Variants in LEKR1 observed in about 807,000 individuals in gnomAD.
LEKR1 encodes protein LEKR1.
Under a neutral mutation model 72.4 loss-of-function variants are expected in LEKR1, and 59 were observed. The ratio of observed to expected loss-of-function variants is 0.82; its 90% CI spans 0.66 to 1.01. LEKR1 has a LOEUF of 1.01. LEKR1 is among the 50% of genes least tolerant of loss of function. LEKR1 has a pLI of 0.00. For missense variants in LEKR1, 728 were observed against 759.2 expected (o/e 0.96, Z 0.48); for synonymous variants, 257 against 263.2 (o/e 0.98, Z 0.23).
intron 6 of LEKR1, among the ~76,000 whole-genome samples, chr3:156,973,576 C>T (rs532734775): frequency 3.3e-5 from 5 of 152,100 alleles, no homozygotes; most frequent in South Asian, 2.1e-4. Flanking sequence ...TCACATGCTG[C>T]GTAATATTTG....
At position 157,045,822 on chromosome 3, in the gene LEKR1, C is replaced by A. The variant is rs1468690300; in HGVS notation, c.*72C>A. On this transcript the variant is annotated 3_prime_UTR_variant, in exon 13 of 13. Coordinates refer to ENST00000356539, the MANE Select transcript of LEKR1 (RefSeq NM_001004316.3). Reference sequence around the variant, plus strand: ...AGAGAGTGCCAGGAATTCACTGTAACTGAGAATGACAATGATAAAATTATT... The same window carrying A: ...AGAGAGTGCCAGGAATTCACTGTAAATGAGAATGACAATGATAAAATTATT... 2 of 1,264,438 alleles carry A rather than the reference C, an allele frequency of 1.6e-6. No homozygotes were observed. Among genetic ancestry groups the A allele is most frequent in the Non-Finnish European group, 1.1e-6 (1 of 903,478 alleles). The allele number at this position is 1,264,438 out of a possible 1,614,324, so 78.3% of individuals were successfully genotyped here.
rs140123752 is a variant in LEKR1, at chr3:156,942,992, CT to C, written c.745+281del. ...TTTCAGAAAAATAAGGCGAAATTTA[CT>C]TTGGTATATCTGTGCTCTTCTATGT... On this transcript the variant is annotated intron_variant, in intron 6 of 12. Coordinates refer to ENST00000356539, the MANE Select transcript of LEKR1 (RefSeq NM_001004316.3). 4.2e-3 allele frequency among the ~76,000 whole-genome samples: 635 copies of C among 151,976 alleles called. 2 individuals carry two copies. The highest frequency in any genetic ancestry group is 0.012 in the East Asian group (62 of 5,156).
intron 9 of LEKR1, among the ~76,000 whole-genome samples, chr3:157,006,180 T>C (rs1732416908): frequency 6.6e-6 from 1 of 151,040 alleles, no homozygotes; most frequent in South Asian, 2.1e-4. Flanking sequence ...TAATTTTTTG[T>C]ATTTTTAGTA....
At chr3:156,974,762 A>G (rs901843662) in intron 6 of LEKR1, among the ~76,000 whole-genome samples, 3 of 151,960 alleles carry the variant, frequency 2.0e-5, no homozygotes, top group African/African-American at 7.3e-5. Context: ...ATAGAATAAT[A>G]CAACATGTAT....
In LEKR1 at chr3:157,024,855, T is replaced by C; in HGVS notation, c.1299T>C (p.Asp433=). The change falls in exon 11 of 13, where the codon GAT becomes GAC. Residue 433 remains aspartate, a synonymous_variant. Transcript: ENST00000356539. ...AGGAAGAAACAAAATTGCAACTTGA[T>C]ATTGAAAAAGAAAAACACCAAGATG... ...LFKEETKLQL[D]IEKEKHQDVI... 1.2e-6 allele frequency: 2 copies of C among 1,610,112 alleles called. No individual in the cohort carries two copies.
chr3:156,968,352 C>A (rs547934158), intron 6 of LEKR1, among the ~76,000 whole-genome samples: 68 of 152,206 alleles, frequency 4.5e-4, no homozygotes, highest in African/African-American at 1.5e-3. Context: ...AGAGTCAAGA[C>A]CCATCAGTGT....
intron 10 of LEKR1, among the ~76,000 whole-genome samples, chr3:157,017,906 G>A (rs1014847738): frequency 7.2e-6 from 1 of 139,810 alleles, no homozygotes; most frequent in South Asian, 2.2e-4. Context: ...CCAAGATCAG[G>A]CCACTGCACT....
chr3:156,899,295 TAC>T (rs1225937424), intron 3 of LEKR1, among the ~76,000 whole-genome samples: 1 of 146,512 alleles, frequency 6.8e-6, no homozygotes, highest in Non-Finnish European at 1.5e-5. Flanking sequence ...CATGTATATA[TAC>T]ATATATACAT....
At position 156,931,399 on chromosome 3, in the gene LEKR1, T is replaced by C. The variant is rs1725210761; in HGVS notation, c.559+3795T>C. ...GAATCCTTTTACAAATTGGTGAGAA[T>C]GTAAATTGCTACAGCCACTTAGAGA... On this transcript the variant is annotated intron_variant, in intron 5 of 12. Transcript: ENST00000356539. 2.0e-5 allele frequency among the ~76,000 whole-genome samples: 3 copies of C among 152,150 alleles called. No individual in the cohort carries two copies. The South Asian group carries it at 6.2e-4, about 31-fold the overall frequency.
chr3:157,019,289 A>G (rs1369390313), intron 10 of LEKR1, among the ~76,000 whole-genome samples: 1 of 152,148 alleles, frequency 6.6e-6, no homozygotes, highest in East Asian at 1.9e-4. Context: ...GTCAACCACA[A>G]AGACCTCGCT....
chr3:157,022,071 A>G (rs1157875989), intron 10 of LEKR1, among the ~76,000 whole-genome samples: 1 of 152,192 alleles, frequency 6.6e-6, no homozygotes, highest in East Asian at 1.9e-4. Flanking sequence ...GACTGCCACC[A>G]TACACAGTGT....
chr3:157,013,987 G>A (rs903478888), intron 10 of LEKR1, among the ~76,000 whole-genome samples: 7 of 152,000 alleles, frequency 4.6e-5, no homozygotes, highest in Non-Finnish European at 7.4e-5. Context: ...CAACAAGGAT[G>A]GCACATTTTA....
At chr3:156,980,868 A>AT (rs1730138908) in intron 7 of LEKR1, among the ~76,000 whole-genome samples, 2 of 152,220 alleles carry the variant, frequency 1.3e-5, no homozygotes, top group Admixed American at 1.3e-4. Context: ...TGGTAGTGAC[A>AT]TGAATTGATA....
intron 9 of LEKR1, among the ~76,000 whole-genome samples, chr3:156,997,935 G>C (rs1418115793): frequency 6.6e-6 from 1 of 152,210 alleles, no homozygotes; most frequent in South Asian, 2.1e-4. Flanking sequence ...TTCAGTGAAA[G>C]GAAAAGAAGT....
intron 6 of LEKR1, among the ~76,000 whole-genome samples, chr3:156,974,473 G>C (rs978134443): frequency 6.6e-6 from 1 of 151,960 alleles, no homozygotes; most frequent in Admixed American, 6.6e-5. Context: ...AACTGACAAC[G>C]CTCCTTGTTA....
chr3:157,036,926 A>G (rs892599470), intron 12 of LEKR1, among the ~76,000 whole-genome samples: 3 of 152,212 alleles, frequency 2.0e-5, no homozygotes, highest in African/African-American at 7.2e-5. Context: ...AAAAATTATG[A>G]GACAATAACT....
At chr3:157,022,986 T>C (rs1471723299) in intron 10 of LEKR1, among the ~76,000 whole-genome samples, 2 of 152,188 alleles carry the variant, frequency 1.3e-5, no homozygotes, top group African/African-American at 2.4e-5. Context: ...ATAAAACCAA[T>C]TGACCCCACA....
chr3:156,864,436 C>CT (rs1275521705), intron 3 of LEKR1, among the ~76,000 whole-genome samples: 2 of 152,014 alleles, frequency 1.3e-5, no homozygotes, highest in East Asian at 3.8e-4. Context: ...TCTCTACAAA[C>CT]TCCTTCTTTT....
chr3:156,998,559 C>A (rs1229004192), intron 9 of LEKR1, among the ~76,000 whole-genome samples: 1 of 151,970 alleles, frequency 6.6e-6, no homozygotes, highest in Non-Finnish European at 1.5e-5. Flanking sequence ...ATGATGGGAA[C>A]AATGAAGAAT....
Sources: allele counts gnomAD v4.1 joint callset (sites outside exome capture counted in the v4.1 genomes callset), GRCh38; gene constraint gnomAD v4.1.1; transcripts MANE v1.5; gene names NCBI Gene and HGNC (gene_info 2026-07-23, HGNC 2026-07-21).